Variants in MBOAT1 observed in about 807,000 individuals in gnomAD.
MBOAT1 encodes membrane-bound glycerophospholipid O-acyltransferase 1.
MBOAT1 carries 67 observed loss-of-function variants against 64.4 expected under a neutral mutation model. The observed-to-expected ratio is 1.04, with a 90% CI of 0.85 to 1.27. MBOAT1 has a LOEUF of 1.27. MBOAT1 is among the 50% of genes most tolerant of loss of function. The pLI, the probability that MBOAT1 is intolerant of heterozygous loss-of-function variation, is 0.00. For missense variants in MBOAT1, 563 were observed against 604.6 expected, an observed-to-expected ratio of 0.93 and a Z score of 0.72; for synonymous variants, 229 against 218.9, an observed-to-expected ratio of 1.05 and a Z score of -0.41.
intron 1 of MBOAT1, among the ~76,000 whole-genome samples, chr6:20,172,309 T>G (rs1762219477): frequency 6.6e-6 from 1 of 151,964 alleles, no homozygotes. Context: ...GGTGCCTATA[T>G]TCCCAGCTAC....
intron 12 of MBOAT1, among the ~76,000 whole-genome samples, chr6:20,106,290 T>G (rs932127518): frequency 4.6e-5 from 7 of 152,340 alleles, no homozygotes; most frequent in African/African-American, 1.7e-4. Flanking sequence ...AAATTCTAAT[T>G]AATTAAAATT....
chr6:20,176,900 A>G (rs1561776907), intron 1 of MBOAT1, among the ~76,000 whole-genome samples: 2 of 152,200 alleles, frequency 1.3e-5, no homozygotes, highest in Non-Finnish European at 2.9e-5. Context: ...CTGGGATTAC[A>G]GGTGTGAGCC....
intron 1 of MBOAT1, among the ~76,000 whole-genome samples, chr6:20,162,938 C>G (rs141005366): frequency 6.6e-6 from 1 of 152,316 alleles, no homozygotes; most frequent in Non-Finnish European, 1.5e-5. Flanking sequence ...GATAATCCCT[C>G]CTTTAATGCT....
intron 1 of MBOAT1, among the ~76,000 whole-genome samples, chr6:20,202,869 A>C (rs538949502): frequency 1.3e-5 from 2 of 152,364 alleles, no homozygotes; most frequent in African/African-American, 4.8e-5. Flanking sequence ...GAGCTGACTT[A>C]AAATAGAAAG....
At chr6:20,209,904 T>G (rs569068562) in intron 1 of MBOAT1, among the ~76,000 whole-genome samples, 2 of 152,178 alleles carry the variant, frequency 1.3e-5, no homozygotes, top group African/African-American at 4.8e-5. Flanking sequence ...TCTCTGATTC[T>G]TCATGACCTC....
chr6:20,152,548 C>A, intron 2 of MBOAT1, 76 bp downstream of exon 2: 1 of 1,454,004 alleles, frequency 6.9e-7, no homozygotes, highest in African/African-American at 1.4e-5. Flanking sequence ...CTATTTCTGG[C>A]TTTAGTGCAA....
At chr6:20,167,992 A>T (rs1246583210) in intron 1 of MBOAT1, among the ~76,000 whole-genome samples, 1 of 152,192 alleles carries the variant, frequency 6.6e-6, no homozygotes, top group Non-Finnish European at 1.5e-5. Context: ...GGAAGCACAT[A>T]AGATGAAAAG....
intron 1 of MBOAT1, among the ~76,000 whole-genome samples, chr6:20,154,583 CTTAT>C (rs1254546579): frequency 6.6e-6 from 1 of 151,990 alleles, no homozygotes; most frequent in East Asian, 1.9e-4. Flanking sequence ...AAAAGTTGAC[CTTAT>C]TGAATTTCAC....
At chr6:20,184,362 G>T (rs143853446) in intron 1 of MBOAT1, among the ~76,000 whole-genome samples, 1 of 152,066 alleles carries the variant, frequency 6.6e-6, no homozygotes, top group South Asian at 2.1e-4. Context: ...GGTGGAGGAC[G>T]GGACACTAAG....
At chr6:20,171,036 C>T (rs9465644) in intron 1 of MBOAT1, among the ~76,000 whole-genome samples, 4,350 of 152,086 alleles carry the variant, frequency 0.029, 220 homozygotes, top group African/African-American at 0.099. Flanking sequence ...CTTGAAAGAC[C>T]GTGCTTACTC....
intron 1 of MBOAT1, among the ~76,000 whole-genome samples, chr6:20,208,450 A>C (rs1763325468): frequency 6.7e-6 from 1 of 149,700 alleles, no homozygotes; most frequent in Non-Finnish European, 1.5e-5. Context: ...TGTCTCAAAA[A>C]AAAAAAGAAA....
chr6:20,183,152 G>T (rs988042991), intron 1 of MBOAT1, among the ~76,000 whole-genome samples: 9 of 152,066 alleles, frequency 5.9e-5, no homozygotes, highest in Non-Finnish European at 1.2e-4. Context: ...CAAGGCACCT[G>T]GCAGGCTGCC....
At chr6:20,107,347 C>A (rs1759989839) in intron 12 of MBOAT1, among the ~76,000 whole-genome samples, 1 of 152,090 alleles carries the variant, frequency 6.6e-6, no homozygotes, top group African/African-American at 2.4e-5. Flanking sequence ...GGGGCTTTTC[C>A]AGGCTGTTTC....
At chr6:20,134,879 G>C (rs2113666348) in intron 4 of MBOAT1, among the ~76,000 whole-genome samples, 1 of 145,900 alleles carries the variant, frequency 6.9e-6, no homozygotes, top group South Asian at 2.2e-4. Flanking sequence ...CACATTTATT[G>C]GTTTATGATT....
chr6:20,176,247 G>A (rs932865112), intron 1 of MBOAT1, among the ~76,000 whole-genome samples: 8 of 151,624 alleles, frequency 5.3e-5, no homozygotes, highest in Non-Finnish European at 8.8e-5. Context: ...TTGCACCACC[G>A]CAGTAAATCC....
At chr6:20,184,880 A>AGAGTGTGTGT in intron 1 of MBOAT1, among the ~76,000 whole-genome samples, 1 of 142,978 alleles carries the variant, frequency 7.0e-6, no homozygotes, top group African/African-American at 2.5e-5. Flanking sequence ...TTATAACTGC[A>AGAGTGTGTGT]GTGTGTGTGT....
intron 1 of MBOAT1, among the ~76,000 whole-genome samples, chr6:20,161,780 C>G (rs1192068484): frequency 6.6e-6 from 1 of 152,162 alleles, no homozygotes; most frequent in Non-Finnish European, 1.5e-5. Context: ...CACTTTAACT[C>G]CCAACATTCT....
chr6:20,171,382 TAA>T lies in MBOAT1; in HGVS notation c.100-18615_100-18614del, dbSNP rs34821586. 2.1e-3 allele frequency among the ~76,000 whole-genome samples: 239 copies of T among 113,300 alleles called. 1 individual carries two copies. Among genetic ancestry groups the T allele is most frequent in the African/African-American group, 6.7e-3 (196 of 29,378 alleles). 74.3% of individuals were successfully genotyped at this position (113,300 alleles called of 152,430 possible). ...CAAGATGCCATCTCTACAAAAAACT[TAA>T]AAAAAAAAAAAAAAAAAAACTAGCC... On this transcript the variant is annotated intron_variant, in intron 1 of 12. Transcript: ENST00000324607.
In MBOAT1 at chr6:20,111,874, ATATATG is replaced by A. The variant is rs1482638611; in HGVS notation, c.1209+996_1209+1001del. Among the ~76,000 whole-genome samples, 27 of 139,392 alleles carry A rather than the reference ATATATG, an allele frequency of 1.9e-4. 1 individual carries two copies. Among genetic ancestry groups the A allele is most frequent in the African/African-American group, 4.9e-4 (18 of 36,368 alleles). 91.4% of individuals were successfully genotyped at this position (139,392 alleles called of 152,430 possible). On this transcript the variant is annotated intron_variant, in intron 11 of 12. Transcript: ENST00000324607. ...TATATATATACATATATATACATAT[ATATATG>A]TATATATATATATTCCAGCACACCT...
Sources: gnomAD v4.1 joint callset for allele counts (sites outside exome capture counted in the v4.1 genomes callset) on GRCh38, gnomAD v4.1.1 for gene constraint, MANE v1.5 for transcripts, NCBI Gene and HGNC (gene_info 2026-07-23, HGNC 2026-07-21) for gene names.